CELA3B: variants seen among roughly 807,000 people sequenced by gnomAD.
CELA3B encodes chymotrypsin like elastase 3B.
A neutral mutation model predicts 37.2 loss-of-function variants in CELA3B; 34 were observed. The observed-to-expected ratio is 0.91, with a 90% confidence interval of 0.70 to 1.22. The LOEUF (loss-of-function observed/expected upper bound fraction) is 1.22. Among genes scored for constraint, CELA3B ranks in the 50% most tolerant of loss-of-function variants. CELA3B has a pLI of 0.00. For missense variants in CELA3B, 340 were observed against 363.1 expected, an observed-to-expected ratio of 0.94 and a Z score of 0.52; for synonymous variants, 127 against 143.5, an observed-to-expected ratio of 0.89 and a Z score of 0.82.
chr1:21,985,250 T>C (rs377601601), intron 6 of CELA3B, among the ~76,000 whole-genome samples: 5 of 149,598 alleles, frequency 3.3e-5, no homozygotes, highest in Admixed American at 1.3e-4. Flanking sequence ...GCCACTGCAC[T>C]CAAGCCTGGG....
chr1:21,988,946 TAC>T (rs1491107736), intron 7 of CELA3B, among the ~76,000 whole-genome samples: 4 of 150,432 alleles, frequency 2.7e-5, no homozygotes, highest in Non-Finnish European at 6.0e-5. Flanking sequence ...CATACATACA[TAC>T]ATATATATAC....
downstream of CELA3B, among the ~76,000 whole-genome samples, chr1:21,991,429 G>A (rs1469357766): frequency 1.3e-5 from 2 of 148,672 alleles, no homozygotes; most frequent in African/African-American, 2.5e-5. Context: ...TCTGCCTCCC[G>A]GGTTCAAGCA....
chr1:21,981,728 CTT>C (rs68050914), intron 4 of CELA3B, among the ~76,000 whole-genome samples: 3,510 of 146,192 alleles, frequency 0.024, 125 homozygotes, highest in African/African-American at 0.073. Flanking sequence ...ACAAAAAATT[CTT>C]TTTTTTTTTT....
intron 4 of CELA3B, among the ~76,000 whole-genome samples, chr1:21,994,450 T>G (rs1644881033): frequency 6.6e-6 from 1 of 150,952 alleles, no homozygotes; most frequent in Non-Finnish European, 1.5e-5. Flanking sequence ...ACATCTTCCC[T>G]GCTGGCTTCT....
At position 21,981,094 on chromosome 1, in the gene CELA3B, G is replaced by A. The variant is rs377445786; in HGVS notation, c.284G>A (p.Gly95Asp). The A allele has an allele frequency of 2.4e-5, 39 of 1,613,554 alleles. 1 individual carries two copies. The African/African-American group carries it at 4.5e-4, about 19-fold the overall frequency. The change falls in exon 4 of 8, where the codon GGC becomes GAC. Residue 95 changes from glycine to aspartate, a missense_variant. Gly to Asp is a moderately conservative substitution (Grantham distance 94, BLOSUM62 -1). Transcript: ENST00000337107. ...LGEYDRAVKE[G>D]PEQVIPINSG... ...GAGTACGACCGTGCTGTGAAGGAGG[G>A]CCCCGAGCAGGTGATCCCCATCAAC... is the stretch of plus-strand genomic sequence containing the variant.
intron 1 of CELA3B, among the ~76,000 whole-genome samples, chr1:21,977,428 C>A (rs10493009): frequency 1.3e-5 from 2 of 152,088 alleles, no homozygotes; most frequent in South Asian, 2.1e-4. Context: ...CACACTCCCC[C>A]TACCTGGCTC....
chr1:21,996,167 C>T (rs981378118), intron 4 of CELA3B, among the ~76,000 whole-genome samples: 4 of 151,304 alleles, frequency 2.6e-5, no homozygotes, highest in African/African-American at 7.3e-5. Context: ...GAGCCGAGAT[C>T]GCGCCACTGT....
rs752692316 is a variant in CELA3B at position 21,986,555 on chromosome 1, T to G, written c.667T>G (p.Cys223Gly). 1.2e-6 allele frequency: 2 copies of G among 1,614,012 alleles called. No individual in the cohort carries two copies. The highest frequency in any genetic ancestry group is 1.1e-5 in the South Asian group (1 of 91,078). ...GGGTGACTCTGGAGGACCCCTCAAC[T>G]GCCCCACAGAGGATGGTGGCTGGCA... ...CNGDSGGPLN[C>G]PTEDGGWQVH... is the part of the protein sequence containing the mutation. The change falls in exon 7 of 8, where the codon TGC (cysteine) becomes GGC (glycine). Residue 223 changes from cysteine (C) to glycine (G), a missense_variant. Cys to Gly is a radical substitution (Grantham distance 159). Transcript: ENST00000337107.
intron 4 of CELA3B, among the ~76,000 whole-genome samples, chr1:21,982,916 T>C (rs1265570306): frequency 6.6e-6 from 1 of 152,150 alleles, no homozygotes; most frequent in Admixed American, 6.6e-5. Context: ...CTTAACCTCG[T>C]GATCCGCAGC....
At chr1:21,998,361 T>C in exon 5 of CELA3B, 1 of 366,986 alleles carries the variant, frequency 2.7e-6, no homozygotes, top group Non-Finnish European at 5.7e-6. Flanking sequence ...GCCACAGCAG[T>C]GAACAAAGCA....
At chr1:21,988,809 G>A (rs1174806809) in intron 7 of CELA3B, among the ~76,000 whole-genome samples, 3 of 151,938 alleles carry the variant, frequency 2.0e-5, no homozygotes, top group African/African-American at 7.3e-5. Flanking sequence ...AGAATGGCAT[G>A]AACCCAAGAG....
Position 21,982,791 on chromosome 1 carries a change from C to T in CELA3B, c.363-903C>T, listed in dbSNP as rs192568635. On this transcript the variant is annotated intron_variant, in intron 4 of 7. Coordinates refer to ENST00000337107, the MANE Select transcript of CELA3B (RefSeq NM_007352.4). ...CTTCCAGGTTCACACCATTCTCCTG[C>T]CTCGGCCTCCCGGGTAGCTGGGACT... Among the ~76,000 whole-genome samples, 598 of 152,048 alleles carry T rather than the reference C, an allele frequency of 3.9e-3. 1 individual carries two copies. Among genetic ancestry groups the T allele is most frequent in the African/African-American group, 0.013 (557 of 41,534 alleles).
intron 7 of CELA3B, chr1:21,987,128 G>T: frequency 4.2e-6 from 1 of 236,214 alleles, no homozygotes; most frequent in South Asian, 4.4e-5. Flanking sequence ...CCTGATAACA[G>T]TAATAGCTAA....
At chr1:21,986,347 G>T (rs868608295) in intron 6 of CELA3B, among the ~76,000 whole-genome samples, 184 bp from the exon 7 acceptor site, 2 of 152,050 alleles carry the variant, frequency 1.3e-5, no homozygotes, top group African/African-American at 4.8e-5. Context: ...CTGCACTCCA[G>T]CCTGGACAAG....
At position 21,979,264 on chromosome 1, in the gene CELA3B, G is replaced by A. The variant is rs770803440; in HGVS notation, c.129+810G>A. On this transcript the variant is annotated intron_variant, in intron 2 of 7. Coordinates refer to ENST00000337107, the MANE Select transcript of CELA3B (RefSeq NM_007352.4). ...ATTCTGTATTTTTAGTAGAGACAGG[G>A]TTTCACTATGTTGGCCAGGCCAGTC... Among the ~76,000 whole-genome samples the A allele has an allele frequency of 7.9e-4, 119 of 151,298 alleles. 1 individual carries two copies. Among genetic ancestry groups the A allele is most frequent in the Non-Finnish European group, 1.6e-3 (107 of 67,878 alleles).
chr1:21,977,565 C>A (rs983450847), intron 1 of CELA3B, among the ~76,000 whole-genome samples: 2 of 152,172 alleles, frequency 1.3e-5, no homozygotes, highest in African/African-American at 4.8e-5. Context: ...TGAGTGCTTA[C>A]TATGCCAGGC....
chr1:21,980,458 G>A (rs111353884), intron 2 of CELA3B, among the ~76,000 whole-genome samples: 1 of 151,646 alleles, frequency 6.6e-6, no homozygotes. Flanking sequence ...CCAGCCTGGG[G>A]AACAAGAGCA....
chr1:21,996,742 C>T (rs1416889193), intron 4 of CELA3B, among the ~76,000 whole-genome samples: 1 of 150,924 alleles, frequency 6.6e-6, no homozygotes, highest in African/African-American at 2.5e-5. Flanking sequence ...GTGCCTGTCC[C>T]CACTGCCATT....
In CELA3B at chr1:21,981,074, C is replaced by G; in HGVS notation, c.264C>G (p.Tyr88Ter). 2 of 1,614,004 alleles carry G rather than the reference C, an allele frequency of 1.2e-6. No individual in the cohort carries two copies. The highest frequency in any genetic ancestry group is 1.7e-6 in the Non-Finnish European group (2 of 1,180,028). ...SRTYQVVLGE[Y>*]DRAVKEGPEQ... Reference sequence around the variant, plus strand: ...CCTACCAGGTGGTGTTGGGCGAGTACGACCGTGCTGTGAAGGAGGGCCCCG... The same window carrying G: ...CCTACCAGGTGGTGTTGGGCGAGTAGGACCGTGCTGTGAAGGAGGGCCCCG... The change falls in exon 4 of 8, where the codon TAC becomes TAG. Residue 88 changes from tyrosine (Y) to a stop codon, truncating the protein, a stop_gained. Transcript: ENST00000337107. LOFTEE classifies it high-confidence loss of function.
Sources: allele counts gnomAD v4.1 joint callset (sites outside exome capture counted in the v4.1 genomes callset), GRCh38; gene constraint gnomAD v4.1.1; transcripts MANE v1.5; gene names NCBI Gene and HGNC (gene_info 2026-07-23, HGNC 2026-07-21).